EAF2: variants seen among roughly 807,000 people sequenced by gnomAD.
EAF2 encodes ELL associated factor 2.
Under a neutral mutation model 29.4 loss-of-function variants are expected in EAF2, and 29 were observed. The ratio of observed to expected loss-of-function variants is 0.99; its 90% CI spans 0.73 to 1.35. The LOEUF is 1.35. Ranked by LOEUF, EAF2 falls within the 40% of genes most tolerant of loss-of-function variation. The pLI, the probability that EAF2 is intolerant of heterozygous loss-of-function variation, is 0.00. For missense variants in EAF2, 292 were observed against 312.0 expected, an observed-to-expected ratio of 0.94 and a Z score of 0.48; for synonymous variants, 103 against 102.5, an observed-to-expected ratio of 1.00 and a Z score of -0.03.
At chr3:121,881,571 A>G (rs947897110) in intron 5 of EAF2, among the ~76,000 whole-genome samples, 1 of 151,808 alleles carries the variant, frequency 6.6e-6, no homozygotes, top group East Asian at 1.9e-4. Context: ...GTCCAGTGGC[A>G]CAATCTCAAC....
chr3:121,867,644 A>T (rs1708949130), intron 4 of EAF2, among the ~76,000 whole-genome samples: 1 of 152,210 alleles, frequency 6.6e-6, no homozygotes, highest in South Asian at 2.1e-4. Context: ...TGGCTGTATA[A>T]AGTCATTCAG....
intron 2 of EAF2, among the ~76,000 whole-genome samples, chr3:121,849,684 C>A (rs922692154): frequency 3.9e-5 from 6 of 151,974 alleles, no homozygotes; most frequent in African/African-American, 1.4e-4. Flanking sequence ...TCCAGATGAC[C>A]CTCTTGGGCA....
intron 1 of EAF2, among the ~76,000 whole-genome samples, chr3:121,835,873 A>C (rs750652564): frequency 3.9e-5 from 6 of 152,184 alleles, no homozygotes; most frequent in Non-Finnish European, 8.8e-5. Context: ...AGAAATTCTC[A>C]ACCATCCCAA....
intron 2 of EAF2, among the ~76,000 whole-genome samples, chr3:121,849,667 G>A (rs16845505): frequency 0.16 from 24,425 of 151,858 alleles, 2,589 homozygotes; most frequent in East Asian, 0.62. Flanking sequence ...ATATGTATGA[G>A]GGGTACTCCA....
intron 5 of EAF2, among the ~76,000 whole-genome samples, chr3:121,883,303 T>C (rs986513368): frequency 1.3e-5 from 2 of 152,212 alleles, no homozygotes; most frequent in African/African-American, 4.8e-5. Flanking sequence ...ACTATTGTTA[T>C]GCGTATTGCT....
At chr3:121,846,561 T>C (rs1708532927) in intron 2 of EAF2, among the ~76,000 whole-genome samples, 1 of 152,142 alleles carries the variant, frequency 6.6e-6, no homozygotes, top group African/African-American at 2.4e-5. Context: ...GCAGGAACCA[T>C]TGCGCCATTC....
At chr3:121,843,983 G>A (rs570739157) in intron 1 of EAF2, among the ~76,000 whole-genome samples, 5 of 152,230 alleles carry the variant, frequency 3.3e-5, no homozygotes, top group African/African-American at 4.8e-5. Flanking sequence ...ACAAGTGGTA[G>A]TAGGCACCAA....
intron 5 of EAF2, chr3:121,873,120 T>C: frequency 1.5e-6 from 1 of 671,924 alleles, no homozygotes; most frequent in South Asian, 1.6e-5. Flanking sequence ...AATAACTTCC[T>C]CCATGTTTCT....
At chr3:121,867,410 A>G (rs1708944723) in intron 4 of EAF2, among the ~76,000 whole-genome samples, 1 of 152,196 alleles carries the variant, frequency 6.6e-6, no homozygotes, top group Non-Finnish European at 1.5e-5. Context: ...AAGAAATGAC[A>G]TATTACCTAT....
At chr3:121,839,686 A>G (rs569611952) in intron 1 of EAF2, among the ~76,000 whole-genome samples, 143 of 152,320 alleles carry the variant, frequency 9.4e-4, no homozygotes, top group African/African-American at 3.4e-3. Flanking sequence ...ATTAGAAAAC[A>G]AGTATTTTAC....
chr3:121,864,120 G>A (rs1708882918), intron 4 of EAF2, among the ~76,000 whole-genome samples: 2 of 152,168 alleles, frequency 1.3e-5, no homozygotes, highest in African/African-American at 4.8e-5. Flanking sequence ...CAGTCCTTTT[G>A]TAAGTAAGAA....
At chr3:121,868,953 T>C (rs1708968282) in intron 4 of EAF2, among the ~76,000 whole-genome samples, 1 of 152,200 alleles carries the variant, frequency 6.6e-6, no homozygotes, top group South Asian at 2.1e-4. Flanking sequence ...TTTACTAAGA[T>C]AGACCATATC....
chr3:121,884,340 CAAAAAAA>C (rs1192870196), intron 5 of EAF2, among the ~76,000 whole-genome samples: 2 of 84,156 alleles, frequency 2.4e-5, no homozygotes, highest in Non-Finnish European at 4.7e-5. Context: ...AACTCCATCT[CAAAAAAA>C]AAAAAAAAAA....
At chr3:121,864,088 G>A (rs541513244) in intron 4 of EAF2, among the ~76,000 whole-genome samples, 1 of 152,118 alleles carries the variant, frequency 6.6e-6, no homozygotes, top group African/African-American at 2.4e-5. Context: ...TCAGAAGGGA[G>A]GTATTTTTGG....
intron 1 of EAF2, among the ~76,000 whole-genome samples, 198 bp downstream of exon 1, chr3:121,835,589 G>A (rs937958324): frequency 6.6e-6 from 1 of 152,196 alleles, no homozygotes; most frequent in Non-Finnish European, 1.5e-5. Flanking sequence ...TAGAGCAAAT[G>A]TGGGTAAACC....
chr3:121,879,658 T>G (rs569928982), intron 5 of EAF2, among the ~76,000 whole-genome samples: 1 of 150,734 alleles, frequency 6.6e-6, no homozygotes, highest in African/African-American at 2.4e-5. Context: ...TCAGCACCAT[T>G]TATTGAAGAG....
Position 121,855,622 on chromosome 3 carries a change from C to A in EAF2, c.338+799C>A, listed in dbSNP as rs142940642. ...CACCAGAAGAAAGTTTGTGCAATAC[C>A]GATTTAATTGATTAGAGAGGAGATG... On this transcript the variant is annotated intron_variant, in intron 3 of 5. Coordinates refer to ENST00000273668, the MANE Select transcript of EAF2 (RefSeq NM_018456.6). Among the ~76,000 whole-genome samples, 786 of 152,198 alleles carry A rather than the reference C, an allele frequency of 5.2e-3. 9 individuals carry two copies. Among genetic ancestry groups the A allele is most frequent in the African/African-American group, 0.018 (734 of 41,520 alleles).
At chr3:121,839,564 GCTGT>G (rs1708366560) in intron 1 of EAF2, among the ~76,000 whole-genome samples, 1 of 152,190 alleles carries the variant, frequency 6.6e-6, no homozygotes, top group Admixed American at 6.5e-5. Flanking sequence ...AATAATGGAT[GCTGT>G]CTATGAGAAC....
chr3:121,838,470 G>T (rs1708345274), intron 1 of EAF2, among the ~76,000 whole-genome samples: 1 of 152,156 alleles, frequency 6.6e-6, no homozygotes, highest in Non-Finnish European at 1.5e-5. Context: ...TTTTAAAAAA[G>T]TGTGTGAGGA....
Sources: gnomAD v4.1 joint callset for allele counts (sites outside exome capture counted in the v4.1 genomes callset) on GRCh38, gnomAD v4.1.1 for gene constraint, MANE v1.5 for transcripts, NCBI Gene and HGNC (gene_info 2026-07-23, HGNC 2026-07-21) for gene names.